Variants in NFATC1 observed in about 807,000 individuals in gnomAD.
The protein encoded by NFATC1 is nuclear factor of activated T-cells, cytoplasmic 1.
A neutral mutation model predicts 76.0 loss-of-function variants in NFATC1; 22 were observed. That is an observed-to-expected ratio of 0.29 (90% CI 0.21 to 0.41). The LOEUF (loss-of-function observed/expected upper bound fraction) is 0.41. Ranked by LOEUF, NFATC1 falls within the 10% of genes least tolerant of loss-of-function variation. The pLI, the probability that NFATC1 is intolerant of heterozygous loss-of-function variation, is 1.00. For synonymous variants in NFATC1, 704 were observed against 613.1 expected (o/e 1.15, Z -2.19); for missense variants, 1,357 against 1,337.7 (o/e 1.01, Z -0.23).
At chr18:79,398,640 TC>T (rs2085081295) in intron 1 of NFATC1, among the ~76,000 whole-genome samples, 1 of 152,036 alleles carries the variant, frequency 6.6e-6, no homozygotes, top group African/African-American at 2.4e-5. Flanking sequence ...TGAGCCTCCA[TC>T]CCTGCAGGGC....
At chr18:79,413,033 G>A (rs1016372465) in intron 2 of NFATC1, among the ~76,000 whole-genome samples, 1 of 152,220 alleles carries the variant, frequency 6.6e-6, no homozygotes, top group African/African-American at 2.4e-5. Flanking sequence ...TTTGCCTGCT[G>A]TACTATCACT....
At chr18:79,415,294 T>G (rs182255833) in intron 2 of NFATC1, among the ~76,000 whole-genome samples, 51 of 152,020 alleles carry the variant, frequency 3.4e-4, no homozygotes, top group Admixed American at 2.3e-3. Context: ...ATTTATTTAT[T>G]TTTTTTGAGA....
intron 3 of NFATC1, among the ~76,000 whole-genome samples, chr18:79,444,771 G>GCACACACAGGCACCCCCGTGGCCA: frequency 6.8e-6 from 1 of 146,878 alleles, no homozygotes; most frequent in East Asian, 2.0e-4. Context: ...CACCGGCGCT[G>GCACACACAGGCACCCCCGTGGCCA]CACACACAGG....
At chr18:79,400,420 ACTTCGAGTTCCT>A in intron 1 of NFATC1, 3 of 1,495,558 alleles carry the variant, frequency 2.0e-6, no homozygotes, top group Non-Finnish European at 2.7e-6. Flanking sequence ...CAGGAGTTCG[ACTTCGAGTTCCT>A]CTTCGAGTTT....
chr18:79,447,067 T>A (rs2087238728), intron 3 of NFATC1, among the ~76,000 whole-genome samples: 1 of 152,150 alleles, frequency 6.6e-6, no homozygotes, highest in African/African-American at 2.4e-5. Context: ...TGGAGGGCTC[T>A]GAGTTCAGCC....
intron 9 of NFATC1, among the ~76,000 whole-genome samples, chr18:79,521,624 G>T (rs1247625973): frequency 1.1e-4 from 7 of 63,902 alleles, no homozygotes; most frequent in Non-Finnish European, 1.3e-4. Context: ...GTGTGTGTGG[G>T]GGGGGGGGCA....
chr18:79,422,182 C>G (rs2086116173), intron 2 of NFATC1: 3 of 152,236 alleles, frequency 2.0e-5, no homozygotes, highest in African/African-American at 7.2e-5. Flanking sequence ...GCCGGGCCGT[C>G]TTGGCACCAC....
chr18:79,400,389 G>A (rs1337804306), intron 1 of NFATC1: 2 of 1,220,180 alleles, frequency 1.6e-6, no homozygotes, highest in East Asian at 3.3e-5. Flanking sequence ...GGCCCGACCC[G>A]CCATGACGGG....
At chr18:79,425,119 C>G (rs1456116124) in intron 2 of NFATC1, among the ~76,000 whole-genome samples, 1 of 151,010 alleles carries the variant, frequency 6.6e-6, no homozygotes, top group African/African-American at 2.5e-5. Context: ...CTCTGTCGCT[C>G]TGTCTCTCTC....
intron 3 of NFATC1, among the ~76,000 whole-genome samples, chr18:79,434,220 C>T (rs2086694284): frequency 6.6e-6 from 1 of 152,186 alleles, no homozygotes. Context: ...GCTTCCAGAG[C>T]GGGCCTGGGC....
intron 3 of NFATC1, among the ~76,000 whole-genome samples, chr18:79,439,389 C>T (rs981190189): frequency 7.2e-5 from 11 of 151,990 alleles, no homozygotes; most frequent in African/African-American, 2.4e-4. Flanking sequence ...GGGAGGACGC[C>T]GTGGGGTGGA....
At chr18:79,471,451 T>C (rs1361803605) in intron 8 of NFATC1, among the ~76,000 whole-genome samples, 1 of 152,200 alleles carries the variant, frequency 6.6e-6, no homozygotes, top group Non-Finnish European at 1.5e-5. Flanking sequence ...AAAGTCAGTA[T>C]TTTTTTAAAC....
chr18:79,424,985 CTCTG>C (rs57056989), intron 2 of NFATC1, among the ~76,000 whole-genome samples: 1,449 of 140,026 alleles, frequency 0.01, 29 homozygotes, highest in African/African-American at 0.037. Context: ...CTCTCTGTCT[CTCTG>C]TGTCTATCTC....
At position 79,433,567 on chromosome 18, in the gene NFATC1, G is replaced by T. The variant is rs771840636; in HGVS notation, c.1227-12G>T. 6.2e-7 allele frequency: 1 copy of T among 1,612,834 alleles called. No individual in the cohort carries two copies. The highest frequency in any genetic ancestry group is 8.5e-7 in the Non-Finnish European group (1 of 1,179,912). ...TGGTGCTGAACGCCTCCTCTGCTCT[G>T]TTCCCTTCCAGCCCGACCCTGCCCG... On this transcript the variant is annotated splice_polypyrimidine_tract_variant and intron_variant, in intron 2 of 9. Transcript: ENST00000427363.
In NFATC1 at chr18:79,483,834, A is replaced by AC. The variant is rs1333931377; in HGVS notation, c.2093-2414_2093-2413insC. The stretch of plus-strand genomic sequence containing the variant: ...CAGCGTGACCTGGTCCTGGGGTGTC[A>AC]TTCCAGCGTGACGTGGTTCCTGGGG... On this transcript the variant is annotated intron_variant, in intron 8 of 9. Coordinates refer to ENST00000427363, the MANE Select transcript of NFATC1 (RefSeq NM_001278669.2). 6.1e-3 allele frequency among the ~76,000 whole-genome samples: 797 copies of AC among 131,486 alleles called. 196 individuals are homozygous for AC. Among genetic ancestry groups the AC allele is most frequent in the African/African-American group, 0.023 (741 of 31,614 alleles). 86.3% of individuals were successfully genotyped at this position (131,486 alleles called of 152,430 possible). A position where few individuals can be genotyped will look rare whatever the true frequency, so the allele number is the denominator to read the frequency against.
Position 79,411,189 on chromosome 18 carries a change from C to T in NFATC1, c.914C>T (p.Thr305Ile), listed in dbSNP as rs760075023. ...GACGACTCGTGGTTGGGCAACACCA[C>T]CCAGTACACCAGCTCGGCCATCGTG... ...VTDDSWLGNT[T>I]QYTSSAIVAA... Residue 305 changes from threonine to isoleucine, a missense_variant, in exon 2 of 10, where the codon ACC becomes ATC. Physicochemically the swap from Thr to Ile is moderately conservative, Grantham distance 89. Coordinates refer to ENST00000427363, the MANE Select transcript of NFATC1 (RefSeq NM_001278669.2). 8 of 1,611,366 alleles carry T rather than the reference C, an allele frequency of 5.0e-6. No individual in the cohort carries two copies. The highest frequency in any genetic ancestry group is 6.8e-6 in the Non-Finnish European group (8 of 1,179,876).
At position 79,411,440 on chromosome 18, in the gene NFATC1, G is replaced by A; in HGVS notation, c.1165G>A (p.Val389Met). The change falls in exon 2 of 10, where the codon GTG (valine) becomes ATG (methionine). Residue 389 changes from valine (V) to methionine (M), a missense_variant. Val to Met is a conservative substitution (Grantham distance 21). Coordinates refer to ENST00000427363, the MANE Select transcript of NFATC1 (RefSeq NM_001278669.2). ...KGGFCDQYLA[V>M]PQHPYQWAKP... ...CGGCTTCTGCGACCAGTACCTGGCG[G>A]TGCCGCAGCACCCCTACCAGTGGGC... 6.5e-7 allele frequency: 1 copy of A among 1,527,496 alleles called. No homozygotes were observed. The highest frequency in any genetic ancestry group is 8.8e-7 in the Non-Finnish European group (1 of 1,140,670). 94.6% of individuals were successfully genotyped at this position (1,527,496 alleles called of 1,614,324 possible). A position where few individuals can be genotyped will look rare whatever the true frequency, so the allele number is the denominator to read the frequency against.
At chr18:79,472,990 C>T (rs933095486) in intron 8 of NFATC1, among the ~76,000 whole-genome samples, 3 of 152,256 alleles carry the variant, frequency 2.0e-5, no homozygotes, top group Admixed American at 1.3e-4. Flanking sequence ...ATGTCCTGCA[C>T]AGGAACCAGG....
At chr18:79,489,689 C>T (rs2089620043) in intron 9 of NFATC1, among the ~76,000 whole-genome samples, 1 of 152,150 alleles carries the variant, frequency 6.6e-6, no homozygotes, top group African/African-American at 2.4e-5. Context: ...CAGAGCAGAC[C>T]ACACCCCAGC....
Sources: gnomAD v4.1 joint callset for allele counts (sites outside exome capture counted in the v4.1 genomes callset) on GRCh38, gnomAD v4.1.1 for gene constraint, MANE v1.5 for transcripts, NCBI Gene and HGNC (gene_info 2026-07-23, HGNC 2026-07-21) for gene names.